Variants in CTNNA2 observed in about 807,000 individuals in gnomAD.
The protein encoded by CTNNA2 is catenin alpha 2, also known as catenin alpha-2.
In CTNNA2, 42 loss-of-function variants were observed where a neutral mutation model predicts 101.0. That is an observed-to-expected ratio of 0.42 (90% CI 0.32 to 0.54). The LOEUF (loss-of-function observed/expected upper bound fraction) is 0.54. Among genes scored for constraint, CTNNA2 ranks in the 20% least tolerant of loss-of-function variants. The pLI is 0.14. For synonymous variants in CTNNA2, 450 were observed against 456.4 expected (o/e 0.99, Z 0.18); for missense variants, 871 against 1,223.1 (o/e 0.71, Z 4.29).
chr2:80,559,713 G>A (rs775261723), intron 12 of CTNNA2, among the ~76,000 whole-genome samples: 1 of 151,968 alleles, frequency 6.6e-6, no homozygotes, highest in African/African-American at 2.4e-5. Flanking sequence ...TACTTACATG[G>A]CATATTTGAT....
At chr2:80,406,081 C>T (rs1008255867) in intron 8 of CTNNA2, among the ~76,000 whole-genome samples, 3 of 152,286 alleles carry the variant, frequency 2.0e-5, no homozygotes, top group Non-Finnish European at 2.9e-5. Flanking sequence ...CTTTGGGCCA[C>T]GCGCGGTGGC....
At chr2:79,465,957 A>T (rs1002640126) in intron 4 of CTNNA2, among the ~76,000 whole-genome samples, 2 of 152,162 alleles carry the variant, frequency 1.3e-5, no homozygotes, top group African/African-American at 4.8e-5. Flanking sequence ...TCCCAGCATG[A>T]GTGACGTAAA....
chr2:79,650,733 C>G (rs1217143542), intron 1 of CTNNA2, among the ~76,000 whole-genome samples: 2 of 150,796 alleles, frequency 1.3e-5, no homozygotes, highest in Non-Finnish European at 2.9e-5. Flanking sequence ...TGTGCTGCAC[C>G]CACTAACTCG....
At chr2:79,410,603 T>C (rs1234822468) in intron 4 of CTNNA2, among the ~76,000 whole-genome samples, 1 of 152,060 alleles carries the variant, frequency 6.6e-6, no homozygotes, top group Non-Finnish European at 1.5e-5. Flanking sequence ...GGATTACATT[T>C]ATTGATTTGT....
chr2:79,891,632 C>A (rs1684313986), intron 6 of CTNNA2, among the ~76,000 whole-genome samples: 1 of 152,072 alleles, frequency 6.6e-6, no homozygotes. Flanking sequence ...TGGATGCATG[C>A]TGTTTTTATT....
chr2:80,146,935 TTTTATTTATTTATTTATTTA>T (rs71386614), intron 7 of CTNNA2, among the ~76,000 whole-genome samples: 66 of 131,502 alleles, frequency 5.0e-4, no homozygotes, highest in African/African-American at 1.8e-3. Context: ...GTATTTTGTA[TTTTATTTATTTATTTATTTA>T]TTTATTTATT....
intron 11 of CTNNA2, among the ~76,000 whole-genome samples, chr2:80,547,853 C>G (rs1692220513): frequency 6.6e-6 from 1 of 152,006 alleles, no homozygotes; most frequent in Non-Finnish European, 1.5e-5. Context: ...CTATGCCCGG[C>G]TAATTTTGTA....
At chr2:80,333,308 A>G (rs971272518) in intron 7 of CTNNA2, among the ~76,000 whole-genome samples, 3 of 152,072 alleles carry the variant, frequency 2.0e-5, no homozygotes, top group Admixed American at 1.3e-4. Flanking sequence ...CCTACTTCCA[A>G]GAGTTTCCAA....
At chr2:80,557,577 A>G (rs950285895) in intron 12 of CTNNA2, among the ~76,000 whole-genome samples, 1 of 152,118 alleles carries the variant, frequency 6.6e-6, no homozygotes, top group Non-Finnish European at 1.5e-5. Context: ...GTTCCTGCCC[A>G]CTCATGACTG....
At chr2:79,222,370 G>A (rs1674356456) in intron 2 of CTNNA2, among the ~76,000 whole-genome samples, 2 of 152,172 alleles carry the variant, frequency 1.3e-5, no homozygotes, top group African/African-American at 4.8e-5. Context: ...TCCTTCTGCA[G>A]GAATCTGGTT....
intron 3 of CTNNA2, among the ~76,000 whole-genome samples, chr2:79,793,940 A>G (rs1014237766): frequency 1.5e-4 from 22 of 149,330 alleles, no homozygotes; most frequent in Admixed American, 1.2e-3. Context: ...GATAAAACAT[A>G]CAAGAATAAG....
At chr2:80,377,544 A>G (rs1015443526) in intron 7 of CTNNA2, among the ~76,000 whole-genome samples, 1 of 152,228 alleles carries the variant, frequency 6.6e-6, no homozygotes, top group African/African-American at 2.4e-5. Flanking sequence ...GTCTACTTCG[A>G]AAGCTCTTGG....
chr2:79,631,585 G>T (rs766246109), intron 1 of CTNNA2, among the ~76,000 whole-genome samples: 6 of 152,026 alleles, frequency 3.9e-5, no homozygotes, highest in Non-Finnish European at 8.8e-5. Context: ...AATTTTAGGT[G>T]GTTTTGTTCT....
chr2:79,992,674 T>C (rs1692264356), intron 7 of CTNNA2, among the ~76,000 whole-genome samples: 1 of 152,232 alleles, frequency 6.6e-6, no homozygotes, highest in African/African-American at 2.4e-5. Flanking sequence ...AATTTTGCTT[T>C]ATTTGTATAA....
intron 7 of CTNNA2, among the ~76,000 whole-genome samples, chr2:80,140,228 C>A (rs1179617996): frequency 6.6e-6 from 1 of 152,156 alleles, no homozygotes; most frequent in African/African-American, 2.4e-5. Flanking sequence ...ACCCCACTAT[C>A]CTAGTTAGTG....
chr2:80,368,048 C>A (rs1393624888), intron 7 of CTNNA2, among the ~76,000 whole-genome samples: 1 of 152,100 alleles, frequency 6.6e-6, no homozygotes, highest in Non-Finnish European at 1.5e-5. Flanking sequence ...AAGCTTGACA[C>A]ATTCATAGAA....
At chr2:79,760,039 A>G (rs1235937449) in intron 3 of CTNNA2, among the ~76,000 whole-genome samples, 1 of 152,190 alleles carries the variant, frequency 6.6e-6, no homozygotes, top group Non-Finnish European at 1.5e-5. Context: ...ACGGAACTAG[A>G]CAGCCTACAT....
Position 80,454,469 on chromosome 2 carries a change from G to A in CTNNA2, c.1290+34868G>A, listed in dbSNP as rs113848529. Reference sequence around the variant, plus strand: ...GAAAACTGTAGTCCATCCCCAAAGAGACAATATGTGCCTGGCTGTTGGTGA... The same window carrying A: ...GAAAACTGTAGTCCATCCCCAAAGAAACAATATGTGCCTGGCTGTTGGTGA... On this transcript the variant is annotated intron_variant, in intron 9 of 18. Coordinates refer to ENST00000402739, the MANE Select transcript of CTNNA2 (RefSeq NM_001282597.3). Among the ~76,000 whole-genome samples, 28 of 152,278 alleles carry A rather than the reference G, an allele frequency of 1.8e-4. 2 individuals carry two copies. The highest frequency in any genetic ancestry group is 2.5e-4 in the Non-Finnish European group (17 of 68,028).
In CTNNA2 at chr2:80,052,561, T is replaced by G. The variant is rs182845912; in HGVS notation, c.1056+142764T>G. 1.3e-3 allele frequency among the ~76,000 whole-genome samples: 194 copies of G among 152,378 alleles called. 1 individual carries two copies. Among genetic ancestry groups the G allele is most frequent in the African/African-American group, 4.4e-3 (185 of 41,594 alleles). ...ATTGCAATGCATGCATTTGAAAACT[T>G]TCTATAAAATGAAATTGGTATAGTG... is the stretch of plus-strand genomic sequence containing the variant. On this transcript the variant is annotated intron_variant, in intron 7 of 18. Transcript: ENST00000402739.
Sources: allele counts gnomAD v4.1 joint callset (sites outside exome capture counted in the v4.1 genomes callset), GRCh38; gene constraint gnomAD v4.1.1; transcripts MANE v1.5; gene names NCBI Gene and HGNC (gene_info 2026-07-23, HGNC 2026-07-21).